ZFHX3: variants seen among roughly 807,000 people sequenced by gnomAD.
ZFHX3 encodes the protein zinc finger homeobox protein 3.
In ZFHX3, 42 loss-of-function variants were observed where a neutral mutation model predicts 279.1. The observed-to-expected ratio is 0.15, with a 90% CI of 0.12 to 0.19. The LOEUF is 0.19. Ranked by LOEUF, ZFHX3 falls within the 10% of genes least tolerant of loss-of-function variation. The probability of loss-of-function intolerance (pLI) is 1.00; values close to 1 mark genes in which losing one functional copy is unlikely to be tolerated. For synonymous variants in ZFHX3, 2,293 were observed against 1,957.8 expected, an observed-to-expected ratio of 1.17 and a Z score of -4.52; for missense variants, 4,981 against 4,754.0, an observed-to-expected ratio of 1.05 and a Z score of -1.40.
At chr16:73,303,130 G>A (rs144471055) in intron 4 of ZFHX3, among the ~76,000 whole-genome samples, 24 of 152,056 alleles carry the variant, frequency 1.6e-4, no homozygotes, top group African/African-American at 5.1e-4. Flanking sequence ...CTGGGCTCAA[G>A]TGATCCTCCC....
At chr16:72,856,571 A>G (rs144890156) in intron 4 of ZFHX3, among the ~76,000 whole-genome samples, 99 of 152,344 alleles carry the variant, frequency 6.5e-4, no homozygotes, top group Non-Finnish European at 1.2e-3. Context: ...CACCACCTGG[A>G]GACAGCTGCC....
intron 1 of ZFHX3, among the ~76,000 whole-genome samples, chr16:73,689,528 C>T (rs549726030): frequency 6.6e-5 from 10 of 152,300 alleles, no homozygotes; most frequent in Non-Finnish European, 1.5e-4. Flanking sequence ...GACCTCTGTT[C>T]CCATCTTCCT....
intron 5 of ZFHX3, among the ~76,000 whole-genome samples, chr16:73,192,419 A>G (rs531380619): frequency 6.6e-6 from 1 of 152,300 alleles, no homozygotes; most frequent in East Asian, 1.9e-4. Context: ...TCCCCGGGAC[A>G]CAACAGAGGA....
chr16:73,578,112 C>A (rs1226555548), intron 2 of ZFHX3, among the ~76,000 whole-genome samples: 1 of 152,212 alleles, frequency 6.6e-6, no homozygotes, highest in Non-Finnish European at 1.5e-5. Context: ...AGCTCAGATT[C>A]ATAGGATGCT....
At chr16:73,729,293 A>G (rs1392303174) in intron 1 of ZFHX3, among the ~76,000 whole-genome samples, 22 of 152,190 alleles carry the variant, frequency 1.4e-4, no homozygotes, top group Admixed American at 1.4e-3. Context: ...TCTGGAGGCC[A>G]AAGTGGGTGG....
intron 3 of ZFHX3, among the ~76,000 whole-genome samples, chr16:73,398,672 T>C (rs1290944290): frequency 1.3e-5 from 2 of 152,190 alleles, no homozygotes; most frequent in Non-Finnish European, 2.9e-5. Flanking sequence ...TGTCCAGACT[T>C]ATCAGAGAAA....
rs190630040 is a variant in ZFHX3, at chr16:72,811,710, G to A, written c.3731C>T (p.Thr1244Met). ...AAGCATGGGTTGCACCGAGTGCTGCGTCATGGCATGCACCCGGAGCCGGTT... is the reference window on the plus strand; with the variant it reads ...AAGCATGGGTTGCACCGAGTGCTGCATCATGGCATGCACCCGGAGCCGGTT... ...DVNRLRVHAM[T>M]QHSVQPMLRC... The change falls in exon 7 of 10, where the codon ACG (threonine) becomes ATG (methionine). Residue 1244 changes from threonine to methionine, a missense_variant. Thr to Met is a moderately conservative substitution (Grantham distance 81). This residue lies in a region of ZFHX3 where 1,751 missense variants were observed against 1,770.0 expected (regional missense o/e 0.99). Transcript: ENST00000268489. 1.0e-4 allele frequency: 164 copies of A among 1,614,082 alleles called. 1 individual carries two copies. The East Asian group carries it at 3.1e-3, about 30-fold the overall frequency.
chr16:73,730,855 G>A (rs2053564264), intron 1 of ZFHX3, among the ~76,000 whole-genome samples: 1 of 152,176 alleles, frequency 6.6e-6, no homozygotes, highest in Non-Finnish European at 1.5e-5. Context: ...AGAACTTCCA[G>A]CTCTACACAG....
chr16:72,937,524 C>A (rs986436132), intron 3 of ZFHX3, among the ~76,000 whole-genome samples: 4 of 152,232 alleles, frequency 2.6e-5, no homozygotes, highest in African/African-American at 9.6e-5. Context: ...GGTGAGTCAA[C>A]TCCCAGAGTG....
chr16:73,152,921 C>G (rs1314112477), intron 5 of ZFHX3, among the ~76,000 whole-genome samples: 1 of 152,064 alleles, frequency 6.6e-6, no homozygotes, highest in African/African-American at 2.4e-5. Context: ...TGTTCAAAGG[C>G]TCTTTCCTGA....
chr16:73,526,710 A>T (rs765405770), intron 2 of ZFHX3, among the ~76,000 whole-genome samples: 4 of 152,152 alleles, frequency 2.6e-5, no homozygotes, highest in African/African-American at 7.2e-5. Flanking sequence ...GAAGCAGGAG[A>T]ATGATGACAC....
intron 2 of ZFHX3, among the ~76,000 whole-genome samples, chr16:73,531,379 T>C (rs2019799184): frequency 6.6e-6 from 1 of 152,196 alleles, no homozygotes; most frequent in Non-Finnish European, 1.5e-5. Flanking sequence ...GCCTTTCTTA[T>C]GCGACAATTT....
At chr16:72,949,869 G>C (rs1349290077) in intron 3 of ZFHX3, among the ~76,000 whole-genome samples, 1 of 149,288 alleles carries the variant, frequency 6.7e-6, no homozygotes, top group Admixed American at 6.7e-5. Context: ...CCCATCTCCT[G>C]CTAAAAGAAT....
chr16:73,886,483 G>T (rs1274549827), intron 1 of ZFHX3, among the ~76,000 whole-genome samples: 1 of 152,150 alleles, frequency 6.6e-6, no homozygotes, highest in East Asian at 1.9e-4. Flanking sequence ...TTAACAGAAT[G>T]ACGCACATAA....
chr16:73,142,968 G>A (rs1966851429), intron 6 of ZFHX3, among the ~76,000 whole-genome samples: 1 of 152,174 alleles, frequency 6.6e-6, no homozygotes, highest in South Asian at 2.1e-4. Flanking sequence ...ATTCTGCCAG[G>A]ATACAATTTG....
chr16:73,289,782 G>T (rs1200652265), intron 4 of ZFHX3, among the ~76,000 whole-genome samples: 1 of 152,080 alleles, frequency 6.6e-6, no homozygotes, highest in Non-Finnish European at 1.5e-5. Context: ...GACCCTACCA[G>T]GTGCACCGAA....
Position 72,957,436 on chromosome 16 carries a change from G to A in ZFHX3, c.2710C>T (p.Pro904Ser), listed in dbSNP as rs1431874528. 4 of 1,609,038 alleles carry A rather than the reference G, an allele frequency of 2.5e-6. No individual in the cohort carries two copies. In the South Asian group the frequency reaches 3.3e-5, roughly 13 times the overall value. Residue 904 changes from proline (P) to serine (S), a missense_variant, in exon 2 of 10, where the codon CCT becomes TCT. Pro to Ser is a moderately conservative substitution (Grantham distance 74). This residue lies in a region of ZFHX3 where 1,751 missense variants were observed against 1,770.0 expected (regional missense o/e 0.99). Coordinates refer to ENST00000268489, the MANE Select transcript of ZFHX3 (RefSeq NM_006885.4). ...DPAGPMAAMT[P>S]ALVGGEIPLD... is the part of the protein sequence containing the mutation. ...ACGTAGTCATCCTCACCTAGAGCAG[G>A]CGTCATGGCGGCCATGGGCCCGGCG...
chr16:72,814,686 T>C lies in ZFHX3; in HGVS notation c.3530-2648A>G, dbSNP rs1159497900. Among the ~76,000 whole-genome samples the C allele has an allele frequency of 7.2e-5, 11 of 152,038 alleles. 1 individual carries two copies. The highest frequency in any genetic ancestry group is 1.3e-4 in the Non-Finnish European group (9 of 68,008). ...TTTGTGAGCTTGAGCTAAGGACCCA[T>C]TATAAAGTGTTTTAAAAAATAAAAT... On this transcript the variant is annotated intron_variant, in intron 5 of 9. Coordinates refer to ENST00000268489, the MANE Select transcript of ZFHX3 (RefSeq NM_006885.4).
At chr16:72,881,506 A>C (rs1214967788) in intron 4 of ZFHX3, among the ~76,000 whole-genome samples, 1 of 152,232 alleles carries the variant, frequency 6.6e-6, no homozygotes, top group Non-Finnish European at 1.5e-5. Context: ...AGATAGATGC[A>C]TGTTCTATTT....
Sources: gnomAD v4.1 joint callset for allele counts (sites outside exome capture counted in the v4.1 genomes callset) on GRCh38, gnomAD v4.1.1 for gene constraint, gnomAD v4.1.1 regional missense constraint, MANE v1.5 for transcripts, NCBI Gene and HGNC (gene_info 2026-07-23, HGNC 2026-07-21) for gene names.